B4GALNT3: variants seen among roughly 807,000 people sequenced by gnomAD.
B4GALNT3 encodes beta-1,4-N-acetyl-galactosaminyltransferase 3.
A neutral mutation model predicts 120.2 loss-of-function variants in B4GALNT3; 86 were observed. That is an observed-to-expected ratio of 0.72 (90% CI 0.60 to 0.86). The LOEUF (loss-of-function observed/expected upper bound fraction) is 0.86. Among genes scored for constraint, B4GALNT3 ranks in the 40% least tolerant of loss-of-function variants. The probability of loss-of-function intolerance (pLI) is 0.00; values close to 1 mark genes in which losing one functional copy is unlikely to be tolerated. For synonymous variants in B4GALNT3, 518 were observed against 510.4 expected, an observed-to-expected ratio of 1.01 and a Z score of -0.20; for missense variants, 1,167 against 1,298.9, an observed-to-expected ratio of 0.90 and a Z score of 1.56.
At chr12:472,424 G>T (rs1020311127) in intron 1 of B4GALNT3, among the ~76,000 whole-genome samples, 2 of 141,560 alleles carry the variant, frequency 1.4e-5, no homozygotes, top group South Asian at 2.1e-4. Flanking sequence ...AAGACTGCAG[G>T]TGCATGCCAC....
chr12:490,747 G>T lies in B4GALNT3; in HGVS notation c.169+30202G>T, dbSNP rs141102095. On this transcript the variant is annotated intron_variant, in intron 1 of 19. Transcript: ENST00000266383. ...TGTCTCAAAAAAAAAAAAAAATTAC[G>T]GACAACTCTACACCCCAAAATTTGA... is the stretch of plus-strand genomic sequence containing the variant. Among the ~76,000 whole-genome samples, 788 of 151,388 alleles carry T rather than the reference G, an allele frequency of 5.2e-3. 9 individuals are homozygous for T. The highest frequency in any genetic ancestry group is 0.018 in the African/African-American group (728 of 41,222).
intron 1 of B4GALNT3, among the ~76,000 whole-genome samples, chr12:471,802 T>C (rs1214658334): frequency 6.6e-6 from 1 of 152,224 alleles, no homozygotes; most frequent in East Asian, 1.9e-4. Flanking sequence ...TTTAATTATC[T>C]AAAATTGTTG....
intron 1 of B4GALNT3, among the ~76,000 whole-genome samples, chr12:500,131 C>G (rs866301083): frequency 1.4e-5 from 2 of 140,034 alleles, no homozygotes; most frequent in South Asian, 4.8e-4. Flanking sequence ...TTAGGAGAAG[C>G]AGCTTTTTTT....
At chr12:464,285 T>C (rs1946054954) in intron 1 of B4GALNT3, among the ~76,000 whole-genome samples, 1 of 152,216 alleles carries the variant, frequency 6.6e-6, no homozygotes, top group South Asian at 2.1e-4. Flanking sequence ...TCACAAGTTA[T>C]ATACCCATTT....
intron 4 of B4GALNT3, 120 bp downstream of exon 4, chr12:544,554 T>G: frequency 1.1e-6 from 1 of 896,662 alleles, no homozygotes; most frequent in Non-Finnish European, 1.8e-6. Flanking sequence ...TCTCTTGAGC[T>G]CTCTTTTTGT....
At chr12:547,705 G>C (rs1947025329) in intron 7 of B4GALNT3, among the ~76,000 whole-genome samples, 1 of 152,102 alleles carries the variant, frequency 6.6e-6, no homozygotes, top group Non-Finnish European at 1.5e-5. Flanking sequence ...AGGATTACAT[G>C]AGGTCACATA....
chr12:538,560 C>CAAAA (rs771053015), intron 3 of B4GALNT3, among the ~76,000 whole-genome samples: 6 of 64,008 alleles, frequency 9.4e-5, no homozygotes, highest in African/African-American at 1.6e-4. Context: ...AACCCCATCT[C>CAAAA]AAAAAAAAAA....
At chr12:529,498 T>C (rs75335665) in intron 1 of B4GALNT3, among the ~76,000 whole-genome samples, 32 of 152,302 alleles carry the variant, frequency 2.1e-4, no homozygotes, top group African/African-American at 7.7e-4. Flanking sequence ...TCTAACTCAT[T>C]TGGGGCCGAC....
At chr12:500,823 C>T (rs1311512053) in intron 1 of B4GALNT3, among the ~76,000 whole-genome samples, 1 of 143,764 alleles carries the variant, frequency 7.0e-6, no homozygotes, top group East Asian at 2.1e-4. Flanking sequence ...GCATTTTGAA[C>T]TCACCCCTGG....
At chr12:541,255 G>A (rs1034931742) in intron 3 of B4GALNT3, among the ~76,000 whole-genome samples, 1 of 152,218 alleles carries the variant, frequency 6.6e-6, no homozygotes, top group Non-Finnish European at 1.5e-5. Context: ...GTTACTTGCT[G>A]TGTGTCCTTG....
chr12:550,771 G>A lies in B4GALNT3; in HGVS notation c.998-151G>A, dbSNP rs1947072069. On this transcript the variant is annotated intron_variant, in intron 10 of 19. Coordinates refer to ENST00000266383, the MANE Select transcript of B4GALNT3 (RefSeq NM_173593.4). This position sits in a 1 kb window ranked among gnomAD's most constrained non-coding sequence, Gnocchi z 4.1. ...AAATGGCCCTGCTCCAGGTGCGTGGGGCAGCCTCCAGCTGGCAGCCTCAGC... is the reference window on the plus strand; with the variant it reads ...AAATGGCCCTGCTCCAGGTGCGTGGAGCAGCCTCCAGCTGGCAGCCTCAGC... 2.8e-5 allele frequency: 18 copies of A among 633,978 alleles called. No individual in the cohort carries two copies. Among genetic ancestry groups the A allele is most frequent in the Non-Finnish European group, 4.4e-5 (16 of 362,570 alleles). 39.3% of individuals were successfully genotyped at this position (633,978 alleles called of 1,614,324 possible).
At chr12:496,025 T>C (rs1481731118) in intron 1 of B4GALNT3, among the ~76,000 whole-genome samples, 1 of 152,178 alleles carries the variant, frequency 6.6e-6, no homozygotes. Context: ...TACACTTTCT[T>C]GAGGGGTACA....
At chr12:513,079 T>C (rs1186974871) in intron 1 of B4GALNT3, among the ~76,000 whole-genome samples, 26 of 94,382 alleles carry the variant, frequency 2.8e-4, no homozygotes, top group Middle Eastern at 9.6e-3. Flanking sequence ...CTTTGACCTT[T>C]CACCTTCCAC....
chr12:460,219 C>A lies in B4GALNT3; in HGVS notation c.-158C>A. On this transcript the variant is annotated 5_prime_UTR_variant, in exon 1 of 20. Transcript: ENST00000266383. This position sits in a 1 kb window ranked among gnomAD's most constrained non-coding sequence, Gnocchi z 8.0. ...AGACCCCTCGCGCCCGGAGCATGAG[C>A]CCGAGCCCCGCCGGAGAGCGGCCGG... 5.9e-6 allele frequency: 3 copies of A among 509,432 alleles called. No homozygotes were observed. The highest frequency in any genetic ancestry group is 7.6e-6 in the Non-Finnish European group (3 of 396,022). The allele number at this position is 509,432 out of a possible 1,614,324, so 31.6% of individuals were successfully genotyped here. A position where few individuals can be genotyped will look rare whatever the true frequency, so the allele number is the denominator to read the frequency against.
chr12:549,888 G>A lies in B4GALNT3; in HGVS notation c.973G>A (p.Asp325Asn). The A allele has an allele frequency of 6.2e-7, 1 of 1,613,238 alleles. No individual in the cohort carries two copies. Among genetic ancestry groups the A allele is most frequent in the African/African-American group, 1.3e-5 (1 of 75,054 alleles). The change falls in exon 10 of 20, where the codon GAC becomes AAC. Residue 325 changes from aspartate to asparagine, a missense_variant. Transcript: ENST00000266383. ...EQPPADMLRP[D>N]PRDTLYRVPL... Reference sequence around the variant, plus strand: ...GCCGCCCGCTGACATGCTTCGGCCTGACCCCCGGGACACCCTCTATCGAGG... The same window carrying A: ...GCCGCCCGCTGACATGCTTCGGCCTAACCCCCGGGACACCCTCTATCGAGG...
At chr12:478,592 G>A (rs1256346605) in intron 1 of B4GALNT3, among the ~76,000 whole-genome samples, 2 of 152,192 alleles carry the variant, frequency 1.3e-5, no homozygotes, top group East Asian at 3.8e-4. Flanking sequence ...AATTGGTTGT[G>A]ATATTTTCAG....
At chr12:478,418 G>A (rs1946205532) in intron 1 of B4GALNT3, among the ~76,000 whole-genome samples, 1 of 152,134 alleles carries the variant, frequency 6.6e-6, no homozygotes, top group African/African-American at 2.4e-5. Flanking sequence ...GGTTGCTTAG[G>A]AAATACCACC....
chr12:500,496 G>A (rs1300573172), intron 1 of B4GALNT3, among the ~76,000 whole-genome samples: 1 of 152,226 alleles, frequency 6.6e-6, no homozygotes, highest in Non-Finnish European at 1.5e-5. Flanking sequence ...CCAGTGGCAG[G>A]TGGTGGGAGC....
At chr12:536,457 G>C (rs1240479640) in intron 3 of B4GALNT3, among the ~76,000 whole-genome samples, 162 bp downstream of exon 3, 2 of 152,150 alleles carry the variant, frequency 1.3e-5, no homozygotes. Flanking sequence ...AGAGATCACA[G>C]AAAACTTTCT....
Sources: gnomAD v4.1 joint callset for allele counts (sites outside exome capture counted in the v4.1 genomes callset) on GRCh38, gnomAD v4.1.1 for gene constraint, Gnocchi (gnomAD v3.1) non-coding constraint, MANE v1.5 for transcripts, NCBI Gene and HGNC (gene_info 2026-07-23, HGNC 2026-07-21) for gene names.